Variants in SUMF1 observed in about 807,000 individuals in gnomAD.
SUMF1 encodes the protein sulfatase modifying factor 1.
SUMF1 carries 48 observed loss-of-function variants against 47.6 expected under a neutral mutation model. That is an observed-to-expected ratio of 1.01 (90% CI 0.80 to 1.28). SUMF1 has a LOEUF of 1.28. SUMF1 is among the 50% of genes most tolerant of loss of function. SUMF1 has a pLI of 0.00. For missense variants in SUMF1, 571 were observed against 485.4 expected, an observed-to-expected ratio of 1.18 and a Z score of -1.66; for synonymous variants, 230 against 192.1, an observed-to-expected ratio of 1.20 and a Z score of -1.63.
intron 8 of SUMF1, among the ~76,000 whole-genome samples, chr3:4,125,499 T>C (rs1038369317): frequency 2.6e-5 from 4 of 152,138 alleles, no homozygotes; most frequent in African/African-American, 4.8e-5. Flanking sequence ...CTAGTTACAA[T>C]CTATCTGCTT....
At chr3:4,051,318 T>C (rs554226709) in intron 9 of SUMF1, among the ~76,000 whole-genome samples, 1 of 152,100 alleles carries the variant, frequency 6.6e-6, no homozygotes, top group Non-Finnish European at 1.5e-5. Flanking sequence ...TGGTGCAGGA[T>C]CACAGTGTTG....
intron 8 of SUMF1, among the ~76,000 whole-genome samples, chr3:4,264,533 G>T (rs1019352090): frequency 6.6e-6 from 1 of 152,114 alleles, no homozygotes; most frequent in Admixed American, 6.5e-5. Context: ...AAACAGCAGG[G>T]AAAGGCACAC....
Position 4,201,399 on chromosome 3 carries a change from G to C in SUMF1, c.1015-132654C>G, listed in dbSNP as rs185172009. ...AAATAAGTGAGAATATGTGAAGTTG[G>C]TTTTTCCATGCCTGTCTTATTTCAC... On this transcript the variant is annotated intron_variant and NMD_transcript_variant, in intron 8 of 12. Coordinates refer to the SUMF1 transcript ENST00000448413. Among the ~76,000 whole-genome samples the C allele has an allele frequency of 2.4e-3, 358 of 152,074 alleles. 5 individuals are homozygous for C. Among genetic ancestry groups the C allele is most frequent in the Admixed American group, 4.3e-3 (66 of 15,250 alleles).
chr3:4,347,322 C>T (rs1233708424), intron 8 of SUMF1, among the ~76,000 whole-genome samples: 1 of 152,124 alleles, frequency 6.6e-6, no homozygotes, highest in Non-Finnish European at 1.5e-5. Flanking sequence ...GCACATCAAA[C>T]AACTTACCCA....
intron 8 of SUMF1, among the ~76,000 whole-genome samples, chr3:4,326,681 A>G (rs1473475369): frequency 6.6e-6 from 1 of 151,770 alleles, no homozygotes; most frequent in Non-Finnish European, 1.5e-5. Flanking sequence ...CCATAACCAG[A>G]TAATTTTTTT....
chr3:4,328,788 C>G (rs1408918482), intron 8 of SUMF1, among the ~76,000 whole-genome samples: 3 of 152,102 alleles, frequency 2.0e-5, no homozygotes, highest in Non-Finnish European at 4.4e-5. Context: ...AGCATTAACC[C>G]AAAAGTCCAA....
At chr3:4,387,948 T>C (rs9990134) in intron 7 of SUMF1, among the ~76,000 whole-genome samples, 30,316 of 151,952 alleles carry the variant, frequency 0.2, 3,210 homozygotes, top group African/African-American at 0.25. Flanking sequence ...CTGTATGTCT[T>C]CAATTTTTAA....
At chr3:4,418,185 A>T (rs1701778936) in intron 4 of SUMF1, 53 bp from the exon 5 acceptor site, 3 of 1,612,272 alleles carry the variant, frequency 1.9e-6, no homozygotes, top group Non-Finnish European at 2.5e-6. Flanking sequence ...AACAAGAAGC[A>T]GGAGCTGGCT....
At chr3:4,079,455 C>CAGAG (rs1158978510) in intron 8 of SUMF1, among the ~76,000 whole-genome samples, 1 of 151,938 alleles carries the variant, frequency 6.6e-6, no homozygotes, top group Non-Finnish European at 1.5e-5. Flanking sequence ...GAGAGAGCAG[C>CAGAG]AGAAGCTCAT....
At chr3:4,215,007 A>C (rs968557134) in intron 8 of SUMF1, among the ~76,000 whole-genome samples, 1 of 152,196 alleles carries the variant, frequency 6.6e-6, no homozygotes, top group Non-Finnish European at 1.5e-5. Flanking sequence ...CAATGATTTC[A>C]AACAATAGAA....
At chr3:4,426,132 G>A (rs1437846872) in intron 3 of SUMF1, among the ~76,000 whole-genome samples, 1 of 152,168 alleles carries the variant, frequency 6.6e-6, no homozygotes. Context: ...CAGGGAGGGT[G>A]TGAGGGGTAA....
chr3:4,256,458 C>A (rs1696956350), intron 8 of SUMF1, among the ~76,000 whole-genome samples: 1 of 144,812 alleles, frequency 6.9e-6, no homozygotes, highest in African/African-American at 2.6e-5. Flanking sequence ...CACAGAAATA[C>A]AAACTACCAT....
chr3:4,313,517 C>T lies in SUMF1; in HGVS notation c.1014+62813G>A, dbSNP rs200823423. The T allele has an allele frequency of 1.5e-5, 24 of 1,613,854 alleles. No individual in the cohort carries two copies. The highest frequency in any genetic ancestry group is 1.9e-5 in the Non-Finnish European group (22 of 1,179,964). On this transcript the variant is annotated intron_variant and NMD_transcript_variant, in intron 8 of 12. Transcript: ENST00000448413. ...GATATTGTGCCAGAAGAAGAACTCTCTTATGATTATTCAGGAAGATATCTT... is the reference window on the plus strand; with the variant it reads ...GATATTGTGCCAGAAGAAGAACTCTTTTATGATTATTCAGGAAGATATCTT...
intron 8 of SUMF1, among the ~76,000 whole-genome samples, chr3:4,129,816 G>T (rs1164055960): frequency 6.6e-6 from 1 of 152,086 alleles, no homozygotes; most frequent in South Asian, 2.1e-4. Flanking sequence ...AATTAATGGA[G>T]TTTTAGCTCA....
At chr3:4,430,491 G>A (rs995796581) in intron 3 of SUMF1, among the ~76,000 whole-genome samples, 1 of 152,018 alleles carries the variant, frequency 6.6e-6, no homozygotes, top group African/African-American at 2.4e-5. Flanking sequence ...TCTCATATAG[G>A]CTCGCTAGGA....
chr3:4,108,178 T>A (rs566998273), intron 8 of SUMF1, among the ~76,000 whole-genome samples: 1 of 152,298 alleles, frequency 6.6e-6, no homozygotes, highest in African/African-American at 2.4e-5. Context: ...TTCATTTCGT[T>A]ATGTACCCAG....
intron 8 of SUMF1, among the ~76,000 whole-genome samples, chr3:4,209,301 G>T (rs1345626947): frequency 1.3e-5 from 2 of 151,984 alleles, no homozygotes; most frequent in African/African-American, 4.8e-5. Context: ...ATAATACAAG[G>T]TACTGTTTAA....
At chr3:4,462,187 T>C (rs1431095482) in intron 1 of SUMF1, among the ~76,000 whole-genome samples, 1 of 152,210 alleles carries the variant, frequency 6.6e-6, no homozygotes, top group Non-Finnish European at 1.5e-5. Context: ...TGGATGACTC[T>C]ATCCTACTTC....
At chr3:4,303,973 T>G in intron 8 of SUMF1, 3 of 729,408 alleles carry the variant, frequency 4.1e-6, no homozygotes, top group Non-Finnish European at 1.9e-6. Flanking sequence ...CTGTGGGCTC[T>G]TGGGCGAGTG....
Sources: gnomAD v4.1 joint callset for allele counts (sites outside exome capture counted in the v4.1 genomes callset) on GRCh38, gnomAD v4.1.1 for gene constraint, MANE v1.5 for transcripts, NCBI Gene and HGNC (gene_info 2026-07-23, HGNC 2026-07-21) for gene names.